GALNTL6: variants seen among roughly 807,000 people sequenced by gnomAD.
The protein encoded by GALNTL6 is polypeptide N-acetylgalactosaminyltransferase like 6, also known as polypeptide N-acetylgalactosaminyltransferase-like 6.
Under a neutral mutation model 73.7 loss-of-function variants are expected in GALNTL6, and 46 were observed. That is an observed-to-expected ratio of 0.62 (90% CI 0.49 to 0.80). The LOEUF is 0.80. Ranked by LOEUF, GALNTL6 falls within the 30% of genes least tolerant of loss-of-function variation. The probability of loss-of-function intolerance (pLI) is 0.00; values close to 1 mark genes in which losing one functional copy is unlikely to be tolerated. For synonymous variants in GALNTL6, 259 were observed against 263.7 expected (o/e 0.98, Z 0.17); for missense variants, 604 against 755.0 (o/e 0.80, Z 2.34).
At chr4:172,295,736 C>T (rs978865705) in intron 3 of GALNTL6, among the ~76,000 whole-genome samples, 1 of 151,390 alleles carries the variant, frequency 6.6e-6, no homozygotes, top group African/African-American at 2.4e-5. Flanking sequence ...ACCCCTCCCA[C>T]ACACACACAG....
Position 172,374,721 on chromosome 4 carries a change from C to T in GALNTL6, c.553+26032C>T, listed in dbSNP as rs981549161. 5.9e-5 allele frequency among the ~76,000 whole-genome samples: 9 copies of T among 152,314 alleles called. No individual in the cohort carries two copies. The East Asian group carries it at 1.7e-3, about 29-fold the overall frequency. On this transcript the variant is annotated intron_variant, in intron 5 of 12. Transcript: ENST00000506823. ...GTAGAGAATTTATTCTTTTCTTCAG[C>T]TGTCATTCTATCATTTACTTTACTA...
At chr4:171,939,247 C>T (rs1427586591) in intron 2 of GALNTL6, among the ~76,000 whole-genome samples, 1 of 151,978 alleles carries the variant, frequency 6.6e-6, no homozygotes, top group Non-Finnish European at 1.5e-5. Flanking sequence ...TTAACTATTG[C>T]TTCCTGCACT....
intron 5 of GALNTL6, among the ~76,000 whole-genome samples, chr4:172,716,434 G>T (rs992299841): frequency 6.6e-6 from 1 of 152,160 alleles, no homozygotes. Flanking sequence ...GAAGGAAAGA[G>T]TGTATTGAAT....
chr4:172,470,093 G>A (rs1732990659), intron 5 of GALNTL6, among the ~76,000 whole-genome samples: 1 of 152,158 alleles, frequency 6.6e-6, no homozygotes, highest in Admixed American at 6.5e-5. Flanking sequence ...TGATCCAGGT[G>A]TAGCACAATG....
chr4:172,244,024 T>G (rs1259135865), intron 3 of GALNTL6, among the ~76,000 whole-genome samples: 3 of 152,188 alleles, frequency 2.0e-5, no homozygotes, highest in Non-Finnish European at 4.4e-5. Context: ...TGTCACATTA[T>G]TTATTGTTAA....
At chr4:172,995,674 T>G (rs1187883246) in intron 10 of GALNTL6, among the ~76,000 whole-genome samples, 1 of 152,220 alleles carries the variant, frequency 6.6e-6, no homozygotes, top group Non-Finnish European at 1.5e-5. Context: ...CACCCTTAAT[T>G]TACTTATCTG....
chr4:172,176,373 T>C (rs1255480441), intron 2 of GALNTL6, among the ~76,000 whole-genome samples: 2 of 131,142 alleles, frequency 1.5e-5, no homozygotes, highest in Non-Finnish European at 3.3e-5. Context: ...ATTCAGCATA[T>C]TTATTGAGTA....
intron 5 of GALNTL6, among the ~76,000 whole-genome samples, chr4:172,808,023 A>T (rs192489044): frequency 2.0e-5 from 3 of 152,264 alleles, no homozygotes; most frequent in Non-Finnish European, 4.4e-5. Context: ...GGGTTTCACC[A>T]TGTCGGTCAG....
chr4:172,725,348 C>T (rs1735733386), intron 5 of GALNTL6, among the ~76,000 whole-genome samples: 2 of 152,176 alleles, frequency 1.3e-5, no homozygotes, highest in African/African-American at 4.8e-5. Context: ...TGTACTCAGG[C>T]TCCACACATT....
intron 7 of GALNTL6, among the ~76,000 whole-genome samples, chr4:172,845,826 G>A (rs1743480835): frequency 6.6e-6 from 1 of 152,204 alleles, no homozygotes; most frequent in Non-Finnish European, 1.5e-5. Context: ...AGGCAGGTAA[G>A]TTCCTAATTA....
At chr4:172,813,845 T>C (rs1718899195) in intron 7 of GALNTL6, 122 bp downstream of exon 7, 1 of 707,266 alleles carries the variant, frequency 1.4e-6, no homozygotes, top group Non-Finnish European at 2.3e-6. Flanking sequence ...GGCAACAATA[T>C]GCAAAACATC....
intron 7 of GALNTL6, among the ~76,000 whole-genome samples, chr4:172,868,780 T>C (rs529361505): frequency 6.6e-6 from 1 of 152,322 alleles, no homozygotes; most frequent in African/African-American, 2.4e-5. Flanking sequence ...TCAGATGAAA[T>C]TGTATATAGA....
At chr4:171,944,848 C>T (rs2111020135) in intron 2 of GALNTL6, among the ~76,000 whole-genome samples, 1 of 151,826 alleles carries the variant, frequency 6.6e-6, no homozygotes, top group Non-Finnish European at 1.5e-5. Flanking sequence ...AATAATTTGT[C>T]TTTTGTTGAA....
intron 5 of GALNTL6, among the ~76,000 whole-genome samples, chr4:172,408,492 A>G (rs1223190162): frequency 6.6e-6 from 1 of 152,000 alleles, no homozygotes; most frequent in Non-Finnish European, 1.5e-5. Context: ...TTTATCATAT[A>G]TTTACATATG....
intron 9 of GALNTL6, among the ~76,000 whole-genome samples, chr4:172,939,511 T>A (rs1450009608): frequency 6.6e-6 from 1 of 152,254 alleles, no homozygotes; most frequent in Admixed American, 6.5e-5. Context: ...ATGTCATCTC[T>A]AACCTCAGAG....
chr4:172,424,018 G>C (rs75030523), intron 5 of GALNTL6, among the ~76,000 whole-genome samples: 21,295 of 151,844 alleles, frequency 0.14, 1,639 homozygotes, highest in Non-Finnish European at 0.19. Context: ...CATATTTAAT[G>C]TATACAAAAA....
At chr4:172,061,709 G>A (rs956668265) in intron 2 of GALNTL6, among the ~76,000 whole-genome samples, 1 of 150,622 alleles carries the variant, frequency 6.6e-6, no homozygotes, top group African/African-American at 2.4e-5. Context: ...CTTAATTTTT[G>A]TAATAAATAA....
chr4:172,872,882 T>C (rs1203166205), intron 7 of GALNTL6, among the ~76,000 whole-genome samples: 2 of 152,228 alleles, frequency 1.3e-5, no homozygotes, highest in Non-Finnish European at 2.9e-5. Flanking sequence ...ATATTCATCC[T>C]ATTTATCTTT....
At chr4:171,844,650 G>T (rs1306091710) in intron 2 of GALNTL6, among the ~76,000 whole-genome samples, 3 of 152,120 alleles carry the variant, frequency 2.0e-5, no homozygotes, top group Non-Finnish European at 2.9e-5. Flanking sequence ...TCACTTGTGG[G>T]TGCTGGATAC....
Sources: allele counts gnomAD v4.1 joint callset (sites outside exome capture counted in the v4.1 genomes callset), GRCh38; gene constraint gnomAD v4.1.1; transcripts MANE v1.5; gene names NCBI Gene and HGNC (gene_info 2026-07-23, HGNC 2026-07-21).